BNC2: variants seen among roughly 807,000 people sequenced by gnomAD.
BNC2 encodes the protein zinc finger protein basonuclin-2.
BNC2 carries 20 observed loss-of-function variants against 76.3 expected under a neutral mutation model. That is an observed-to-expected ratio of 0.26 (90% CI 0.18 to 0.38). The LOEUF is 0.38. Ranked by LOEUF, BNC2 falls within the 10% of genes least tolerant of loss-of-function variation. The pLI, the probability that BNC2 is intolerant of heterozygous loss-of-function variation, is 1.00. For missense variants in BNC2, 1,382 were observed against 1,399.8 expected (o/e 0.99, Z 0.20); for synonymous variants, 582 against 514.8 (o/e 1.13, Z -1.77).
intron 3 of BNC2, among the ~76,000 whole-genome samples, chr9:16,702,757 G>A (rs549079021): frequency 1.7e-4 from 26 of 152,238 alleles, no homozygotes; most frequent in African/African-American, 6.3e-4. Flanking sequence ...ACTATGTACT[G>A]GAACTTCAAG....
intron 1 of BNC2, among the ~76,000 whole-genome samples, chr9:16,861,618 A>T (rs1444750030): frequency 1.3e-5 from 2 of 152,202 alleles, no homozygotes; most frequent in African/African-American, 2.4e-5. Flanking sequence ...AACCACAGAG[A>T]TATCACTTCA....
intron 5 of BNC2, among the ~76,000 whole-genome samples, chr9:16,463,424 G>A (rs1821631298): frequency 7.1e-6 from 1 of 141,078 alleles, no homozygotes. Context: ...AGCCTCCCAA[G>A]TAGCTGGGAC....
At chr9:16,470,181 T>C (rs925087591) in intron 5 of BNC2, among the ~76,000 whole-genome samples, 5 of 151,754 alleles carry the variant, frequency 3.3e-5, no homozygotes, top group African/African-American at 1.2e-4. Flanking sequence ...ATATTTTTAG[T>C]ATAGATGGGG....
Position 16,435,848 on chromosome 9 carries a change from A to C in BNC2, c.2346T>G (p.Thr782=). 6.2e-7 allele frequency: 1 copy of C among 1,613,848 alleles called. No homozygotes were observed. Among genetic ancestry groups the C allele is most frequent in the Non-Finnish European group, 8.5e-7 (1 of 1,179,774 alleles). The change falls in exon 6 of 7, where the codon ACT becomes ACG. Residue 782 remains threonine, a synonymous_variant. Transcript: ENST00000380672. ...ACTGGCTCATGTAAAACATGTCGTA[A>C]GTGGGGTCTGTAAATTCTTCCTTCA... ...IKVKEEFTDP[T]YDMFYMSQYG...
chr9:16,694,153 T>C lies in BNC2; in HGVS notation c.330+33644A>G, dbSNP rs550105817. Among the ~76,000 whole-genome samples the C allele has an allele frequency of 5.9e-5, 9 of 152,178 alleles. No individual in the cohort carries two copies. The South Asian group carries it at 1.0e-3, about 18-fold the overall frequency. ...ATCAGAGGCACAAAAATGGAACAAATTGAAAGGGTTTCCTCCCTTGCTAAA... is the reference window on the plus strand; with the variant it reads ...ATCAGAGGCACAAAAATGGAACAAACTGAAAGGGTTTCCTCCCTTGCTAAA... On this transcript the variant is annotated intron_variant, in intron 3 of 6. Transcript: ENST00000380672.
intron 3 of BNC2, among the ~76,000 whole-genome samples, chr9:16,656,259 G>A (rs1821926330): frequency 6.6e-6 from 1 of 152,156 alleles, no homozygotes; most frequent in African/African-American, 2.4e-5. Flanking sequence ...GGAGGAAAGG[G>A]AGAACTCTAC....
At chr9:16,437,569 T>C (rs1821045053) in intron 5 of BNC2, 45 bp from the exon 6 acceptor site, 2 of 1,595,454 alleles carry the variant, frequency 1.3e-6, no homozygotes, top group East Asian at 4.5e-5. Flanking sequence ...CACAAAAACT[T>C]ATTGATTGTG....
At chr9:16,561,137 G>T (rs1423569432) in intron 4 of BNC2, among the ~76,000 whole-genome samples, 3 of 152,020 alleles carry the variant, frequency 2.0e-5, no homozygotes, top group East Asian at 3.9e-4. Context: ...TACTCAGGAG[G>T]CTGAGATAGG....
chr9:16,770,290 G>A (rs115139673), intron 1 of BNC2, among the ~76,000 whole-genome samples: 2,757 of 152,188 alleles, frequency 0.018, 71 homozygotes, highest in African/African-American at 0.06. Flanking sequence ...GGCTGATTGT[G>A]CTCTTTCTAT....
At chr9:16,451,937 T>A (rs1013395534) in intron 5 of BNC2, among the ~76,000 whole-genome samples, 3 of 152,186 alleles carry the variant, frequency 2.0e-5, no homozygotes, top group African/African-American at 7.2e-5. Context: ...CCATGTTTTG[T>A]CTTTACATAG....
At chr9:16,782,904 C>A (rs969355962) in intron 1 of BNC2, among the ~76,000 whole-genome samples, 1 of 152,174 alleles carries the variant, frequency 6.6e-6, no homozygotes, top group East Asian at 1.9e-4. Context: ...GAATAGTCTA[C>A]CTTAGAAGCT....
At chr9:16,578,329 C>T (rs2065937) in intron 4 of BNC2, among the ~76,000 whole-genome samples, 25,932 of 151,926 alleles carry the variant, frequency 0.17, 4,108 homozygotes, top group African/African-American at 0.42. Flanking sequence ...AAATAAAGTC[C>T]TCATCTAAAC....
At chr9:16,459,412 A>G (rs1821525861) in intron 5 of BNC2, among the ~76,000 whole-genome samples, 1 of 152,166 alleles carries the variant, frequency 6.6e-6, no homozygotes, top group Admixed American at 6.5e-5. Context: ...TCTTTAGGGT[A>G]AAGCTCTCTG....
intron 5 of BNC2, among the ~76,000 whole-genome samples, chr9:16,482,300 G>T (rs1177191889): frequency 2.0e-5 from 3 of 152,112 alleles, no homozygotes; most frequent in Admixed American, 2.0e-4. Context: ...TACTACAGCA[G>T]ATTTAGCAGA....
chr9:16,720,297 G>C (rs1824116180), intron 3 of BNC2, among the ~76,000 whole-genome samples: 1 of 152,126 alleles, frequency 6.6e-6, no homozygotes, highest in African/African-American at 2.4e-5. Context: ...AGGCAAAAAG[G>C]GCCAGTGAAA....
intron 1 of BNC2, among the ~76,000 whole-genome samples, chr9:16,847,329 C>T (rs1238255927): frequency 2.2e-5 from 3 of 138,594 alleles, no homozygotes; most frequent in Non-Finnish European, 4.5e-5. Flanking sequence ...AAACTTGCCA[C>T]ATCAAATTAC....
At chr9:16,686,623 A>G (rs888405255) in intron 3 of BNC2, among the ~76,000 whole-genome samples, 3 of 152,166 alleles carry the variant, frequency 2.0e-5, no homozygotes, top group African/African-American at 7.2e-5. Context: ...TTAAAACTCC[A>G]ATTAAGATCA....
intron 3 of BNC2, among the ~76,000 whole-genome samples, chr9:16,612,123 C>G (rs1238020970): frequency 1.3e-5 from 2 of 150,836 alleles, no homozygotes; most frequent in South Asian, 2.1e-4. Flanking sequence ...AATTGTGCAA[C>G]AAAGTGTTAT....
At chr9:16,479,264 G>GAAAAGAAAAAGA (rs1821995961) in intron 5 of BNC2, among the ~76,000 whole-genome samples, 1 of 108,718 alleles carries the variant, frequency 9.2e-6, no homozygotes, top group Admixed American at 9.6e-5. Context: ...AAAAAAAAAA[G>GAAAAGAAAAAGA]AAAAGAAAAG....
Sources: gnomAD v4.1 joint callset for allele counts (sites outside exome capture counted in the v4.1 genomes callset) on GRCh38, gnomAD v4.1.1 for gene constraint, MANE v1.5 for transcripts, NCBI Gene and HGNC (gene_info 2026-07-23, HGNC 2026-07-21) for gene names.